Variants in GABRA4 observed in about 807,000 individuals in gnomAD.
The protein encoded by GABRA4 is gamma-aminobutyric acid receptor subunit alpha-4.
Under a neutral mutation model 49.7 loss-of-function variants are expected in GABRA4, and 12 were observed. That is an observed-to-expected ratio of 0.24 (90% CI 0.15 to 0.39). The LOEUF is 0.39. Ranked by LOEUF, GABRA4 falls within the 10% of genes least tolerant of loss-of-function variation. GABRA4 has a pLI of 1.00. For missense variants in GABRA4, 506 were observed against 686.0 expected (o/e 0.74, Z 2.93); for synonymous variants, 288 against 240.2 (o/e 1.20, Z -1.84).
rs141566967 is a variant in GABRA4, at chr4:46,947,470, A to T, written c.1134+17500T>A. Among the ~76,000 whole-genome samples, 6 of 152,122 alleles carry T rather than the reference A, an allele frequency of 3.9e-5. No homozygotes were observed. The East Asian group carries it at 1.2e-3, about 30-fold the overall frequency. On this transcript the variant is annotated intron_variant, in intron 8 of 8. Transcript: ENST00000264318. ...AACATATTCCAGTTTAAAATGGCCTACCACAAAAGCAGCTGCACTTAGTTA... is the reference window on the plus strand; with the variant it reads ...AACATATTCCAGTTTAAAATGGCCTTCCACAAAAGCAGCTGCACTTAGTTA...
chr4:46,984,262 C>T (rs947412660), intron 2 of GABRA4, among the ~76,000 whole-genome samples: 3 of 152,066 alleles, frequency 2.0e-5, no homozygotes, highest in Non-Finnish European at 4.4e-5. Flanking sequence ...CTTATCCATG[C>T]ATCCACCATC....
intron 5 of GABRA4, 112 bp from the exon 6 acceptor site, chr4:46,974,487 TGTTCACTATAATTTAGTCACTATAATTTA>T (rs1271054656): frequency 5.8e-5 from 60 of 1,029,896 alleles, no homozygotes; most frequent in Non-Finnish European, 7.9e-5. Context: ...ATGAAAACAA[TGTTCACTATAATTTAGTCACTATAATTTA>T]GTTCACTATA....
At position 46,977,150 on chromosome 4, in the gene GABRA4, T is replaced by C; in HGVS notation, c.495-7A>G. On this transcript the variant is annotated splice_polypyrimidine_tract_variant and splice_region_variant and intron_variant, in intron 4 of 8. Transcript: ENST00000264318. ...CTCCGCACTTATGGTGAGTCTATGA[T>C]GAAAAATGCAATTAAATAAAATCAA... 1 of 1,568,680 alleles carries C rather than the reference T, an allele frequency of 6.4e-7. No homozygotes were observed.
At chr4:46,977,678 TAAG>T in intron 3 of GABRA4, 48 bp from the exon 4 acceptor site, 1 of 1,277,916 alleles carries the variant, frequency 7.8e-7, no homozygotes, top group South Asian at 1.3e-5. Flanking sequence ...TGACTACACA[TAAG>T]TATGTGAAAA....
intron 3 of GABRA4, among the ~76,000 whole-genome samples, chr4:46,978,687 CA>C (rs71193889): frequency 0.014 from 306 of 21,662 alleles, no homozygotes; most frequent in African/African-American, 0.033. Context: ...AACTTCATCT[CA>C]AAAAAAAAAA....
At chr4:46,975,080 C>T (rs1723092770) in intron 5 of GABRA4, among the ~76,000 whole-genome samples, 1 of 151,954 alleles carries the variant, frequency 6.6e-6, no homozygotes, top group Non-Finnish European at 1.5e-5. Context: ...TATTATTTGG[C>T]ACTCTGTGCA....
rs1192888220 is a variant in GABRA4, at chr4:46,925,756, T to TCA, written c.*2468_*2469insTG. On this transcript the variant is annotated 3_prime_UTR_variant, in exon 9 of 9. Coordinates refer to ENST00000264318, the MANE Select transcript of GABRA4 (RefSeq NM_000809.4). ...ATTATTATTATTATTATTATTATTA[T>TCA]TATCATCATTATTATCATTGTGTGC... is the stretch of plus-strand genomic sequence containing the variant. 1.5e-5 allele frequency: 1 copy of TCA among 66,066 alleles called. No individual in the cohort carries two copies. The highest frequency in any genetic ancestry group is 3.5e-5 in the Non-Finnish European group (1 of 28,454). 4.1% of individuals were successfully genotyped at this position (66,066 alleles called of 1,614,324 possible).
intron 6 of GABRA4, among the ~76,000 whole-genome samples, chr4:46,973,205 T>C (rs763200626): frequency 4.0e-5 from 6 of 151,778 alleles, no homozygotes; most frequent in Non-Finnish European, 7.4e-5. Flanking sequence ...ATTGCTATGG[T>C]CTAAATGTTT....
intron 8 of GABRA4, among the ~76,000 whole-genome samples, chr4:46,945,338 C>A (rs980705638): frequency 1.3e-5 from 2 of 152,138 alleles, no homozygotes; most frequent in African/African-American, 4.8e-5. Context: ...CTGCACCTTC[C>A]TCTTGCCCTT....
At chr4:46,960,961 A>C (rs924532119) in intron 8 of GABRA4, among the ~76,000 whole-genome samples, 10 of 151,858 alleles carry the variant, frequency 6.6e-5, no homozygotes, top group African/African-American at 2.2e-4. Context: ...ATCTTCTATC[A>C]TGGCTTCAAT....
chr4:46,979,879 C>T (rs763159485), intron 2 of GABRA4, among the ~76,000 whole-genome samples: 10 of 152,002 alleles, frequency 6.6e-5, no homozygotes, highest in Non-Finnish European at 1.5e-4. Flanking sequence ...AAGACTAGTT[C>T]GTAAAGAAGC....
At chr4:46,941,995 T>C (rs1042414068) in intron 8 of GABRA4, among the ~76,000 whole-genome samples, 1 of 152,136 alleles carries the variant, frequency 6.6e-6, no homozygotes, top group Non-Finnish European at 1.5e-5. Context: ...AAAATTTATT[T>C]TGGGTTATAA....
At chr4:46,957,781 T>C (rs1722419669) in intron 8 of GABRA4, among the ~76,000 whole-genome samples, 1 of 151,904 alleles carries the variant, frequency 6.6e-6, no homozygotes, top group Non-Finnish European at 1.5e-5. Flanking sequence ...ACTTACTAGA[T>C]AGGTGACCTT....
chr4:46,978,011 T>C (rs1011584836), intron 3 of GABRA4, among the ~76,000 whole-genome samples: 1 of 152,190 alleles, frequency 6.6e-6, no homozygotes, highest in East Asian at 1.9e-4. Context: ...ATCGTGTAAT[T>C]GTAGGCATTT....
At chr4:46,963,235 A>G (rs1722642639) in intron 8 of GABRA4, among the ~76,000 whole-genome samples, 1 of 151,850 alleles carries the variant, frequency 6.6e-6, no homozygotes, top group Non-Finnish European at 1.5e-5. Flanking sequence ...TAAAGAGGTC[A>G]AACAACTGAA....
At chr4:46,965,520 T>C (rs1722722346) in intron 7 of GABRA4, among the ~76,000 whole-genome samples, 1 of 151,762 alleles carries the variant, frequency 6.6e-6, no homozygotes, top group African/African-American at 2.4e-5. Context: ...ACCCACTGAT[T>C]GGGTTTTCTA....
Position 46,926,556 on chromosome 4 carries a change from A to G in GABRA4, c.*1669T>C, listed in dbSNP as rs1339464997. On this transcript the variant is annotated 3_prime_UTR_variant, in exon 9 of 9. Coordinates refer to ENST00000264318, the MANE Select transcript of GABRA4 (RefSeq NM_000809.4). ...ATATCTGAAAAATCGATGCCAATTA[A>G]CTACTATCACTTCTTTTCTATAAAA... 1.3e-5 allele frequency: 2 copies of G among 151,982 alleles called. No homozygotes were observed. Among genetic ancestry groups the G allele is most frequent in the East Asian group, 3.9e-4 (2 of 5,188 alleles). 9.4% of individuals were successfully genotyped at this position (151,982 alleles called of 1,614,324 possible).
intron 8 of GABRA4, among the ~76,000 whole-genome samples, chr4:46,933,483 T>C (rs948442195): frequency 1.3e-5 from 2 of 152,116 alleles, no homozygotes; most frequent in African/African-American, 4.8e-5. Context: ...TAAAGGAAAG[T>C]GGAATTAGAC....
At chr4:46,943,794 T>C (rs1721894041) in intron 8 of GABRA4, among the ~76,000 whole-genome samples, 1 of 152,068 alleles carries the variant, frequency 6.6e-6, no homozygotes, top group Non-Finnish European at 1.5e-5. Flanking sequence ...TTATAAACAT[T>C]ATTTATTTAT....
Sources: gnomAD v4.1 joint callset for allele counts (sites outside exome capture counted in the v4.1 genomes callset) on GRCh38, gnomAD v4.1.1 for gene constraint, MANE v1.5 for transcripts, NCBI Gene and HGNC (gene_info 2026-07-23, HGNC 2026-07-21) for gene names.